Variants in GORAB observed in about 807,000 individuals in gnomAD.
GORAB encodes golgin, RAB6 interacting.
In GORAB, 17 loss-of-function variants were observed where a neutral mutation model predicts 29.9. The ratio of observed to expected loss-of-function variants is 0.57; its 90% CI spans 0.39 to 0.85. The LOEUF is 0.85. GORAB is among the 40% of genes least tolerant of loss of function. The pLI is 0.00. For synonymous variants in GORAB, 183 were observed against 157.2 expected, an observed-to-expected ratio of 1.16 and a Z score of -1.23; for missense variants, 442 against 437.8, an observed-to-expected ratio of 1.01 and a Z score of -0.09.
chr1:170,545,829 T>C, intron 4 of GORAB: 2 of 721,118 alleles, frequency 2.8e-6, no homozygotes, highest in Non-Finnish European at 3.4e-6. Context: ...TAATTGTTGT[T>C]GGACCATATG....
Position 170,539,408 on chromosome 1 carries a change from G to A in GORAB, c.260G>A (p.Ser87Asn). ...CCTTTTTCTTCCCCTACTCTTCCGA[G>A]TCATTTCACTCTCACCTCCCCCGTT... ...KPPFSSPTLP[S>N]HFTLTSPVGD... Residue 87 changes from serine (S) to asparagine (N), a missense_variant, in exon 2 of 5, where the codon AGT becomes AAT. Coordinates refer to ENST00000367763, the MANE Select transcript of GORAB (RefSeq NM_152281.3). The A allele has an allele frequency of 6.2e-7, 1 of 1,614,082 alleles. No homozygotes were observed. Among genetic ancestry groups the A allele is most frequent in the Non-Finnish European group, 8.5e-7 (1 of 1,180,008 alleles).
At chr1:170,533,888 C>G (rs1426070908) in intron 1 of GORAB, among the ~76,000 whole-genome samples, 1 of 152,112 alleles carries the variant, frequency 6.6e-6, no homozygotes, top group Non-Finnish European at 1.5e-5. Flanking sequence ...GAACTTCCAG[C>G]TCTTCCTCTA....
intron 4 of GORAB, among the ~76,000 whole-genome samples, chr1:170,550,215 C>T (rs1325466772): frequency 6.6e-6 from 1 of 152,164 alleles, no homozygotes; most frequent in Admixed American, 6.5e-5. Flanking sequence ...ACATTTAATC[C>T]ATAGGCTAAA....
intron 1 of GORAB, among the ~76,000 whole-genome samples, chr1:170,534,485 A>G (rs1648925646): frequency 6.6e-6 from 1 of 152,190 alleles, no homozygotes; most frequent in Non-Finnish European, 1.5e-5. Context: ...AATTATCCTC[A>G]TATACCAAGG....
Position 170,532,418 on chromosome 1 carries a change from T to C in GORAB, c.61+134T>C, listed in dbSNP as rs560794893. 72 of 952,828 alleles carry C rather than the reference T, an allele frequency of 7.6e-5. 1 individual carries two copies. The South Asian group carries it at 9.1e-4, about 12-fold the overall frequency. The allele number at this position is 952,828 out of a possible 1,614,324, so 59.0% of individuals were successfully genotyped here. A position where few individuals can be genotyped will look rare whatever the true frequency, so the allele number is the denominator to read the frequency against. On this transcript the variant is annotated intron_variant, in intron 1 of 4. Coordinates refer to ENST00000367763, the MANE Select transcript of GORAB (RefSeq NM_152281.3). ...CGGAAGGCGCTGTAAGTACGTGGAC[T>C]GGATTAGGGGGTTTCAGAGGAGGAC...
chr1:170,533,543 T>C (rs1175970570), intron 1 of GORAB: 8 of 454,806 alleles, frequency 1.8e-5, no homozygotes, highest in South Asian at 3.1e-5. Flanking sequence ...ATAGTAGATA[T>C]TGCAAGAACT....
intron 4 of GORAB, chr1:170,545,160 G>A (rs1649680116): frequency 9.6e-7 from 1 of 1,040,838 alleles, no homozygotes; most frequent in Admixed American, 5.0e-5. Context: ...TCAGCATCTA[G>A]CAAAGTAAAT....
chr1:170,532,388 G>A (rs1648742025), intron 1 of GORAB, 104 bp downstream of exon 1: 1 of 1,270,294 alleles, frequency 7.9e-7, no homozygotes, highest in African/African-American at 1.4e-5. Flanking sequence ...CTACGTTTGT[G>A]TTAGCGGAAG....
rs1245075971 is a variant in GORAB, at chr1:170,539,346, T to G, written c.198T>G (p.Leu66=). 1.9e-6 allele frequency: 3 copies of G among 1,614,180 alleles called. No individual in the cohort carries two copies. Among genetic ancestry groups the G allele is most frequent in the Non-Finnish European group, 2.5e-6 (3 of 1,180,024 alleles). The change falls in exon 2 of 5, where the codon CTT becomes CTG. Residue 66 remains leucine (L), a synonymous_variant. Coordinates refer to ENST00000367763, the MANE Select transcript of GORAB (RefSeq NM_152281.3). ...CCTCATTACTTCCAGAGCAGCTGCT[T>G]TCAGCACCAAAACAGAGAGTTAACG... ...GSTSLLPEQL[L]SAPKQRVNVQ... is the part of the protein sequence containing the mutation.
intron 2 of GORAB, among the ~76,000 whole-genome samples, chr1:170,540,284 T>C (rs1167550428): frequency 1.3e-5 from 2 of 152,206 alleles, no homozygotes; most frequent in Non-Finnish European, 2.9e-5. Context: ...ACTGTTCTTG[T>C]GGAAGATGCC....
chr1:170,540,928 C>T (rs745365002), intron 2 of GORAB, among the ~76,000 whole-genome samples: 3 of 152,200 alleles, frequency 2.0e-5, no homozygotes, highest in East Asian at 1.9e-4. Flanking sequence ...GGAGGACAGG[C>T]GTGGTGGCCC....
Position 170,542,144 on chromosome 1 carries a change from A to G in GORAB, c.420-347A>G, listed in dbSNP as rs1191504211. Among the ~76,000 whole-genome samples the G allele has an allele frequency of 2.0e-5, 3 of 152,340 alleles. No homozygotes were observed. In the South Asian group the frequency reaches 6.2e-4, roughly 32 times the overall value. On this transcript the variant is annotated intron_variant, in intron 2 of 4. Coordinates refer to ENST00000367763, the MANE Select transcript of GORAB (RefSeq NM_152281.3). ...TACAAACCAATTTTTATTAATCTCC[A>G]TTCTGCATATAATACATAATTAACT...
chr1:170,538,106 T>G (rs1649167789), intron 1 of GORAB, among the ~76,000 whole-genome samples: 1 of 152,212 alleles, frequency 6.6e-6, no homozygotes, highest in Non-Finnish European at 1.5e-5. Flanking sequence ...CATTTAATTC[T>G]TACACCAACT....
chr1:170,552,553 A>C lies in GORAB; in HGVS notation c.*91A>C, dbSNP rs772159303. ...CCTGACCTCCAATAAAAACCTCTTTAAAACAATGCTGATTTTTGAATTCAT... is the reference window on the plus strand; with the variant it reads ...CCTGACCTCCAATAAAAACCTCTTTCAAACAATGCTGATTTTTGAATTCAT... On this transcript the variant is annotated 3_prime_UTR_variant, in exon 5 of 5. Coordinates refer to ENST00000367763, the MANE Select transcript of GORAB (RefSeq NM_152281.3). 2 of 1,049,572 alleles carry C rather than the reference A, an allele frequency of 1.9e-6. No individual in the cohort carries two copies. Among genetic ancestry groups the C allele is most frequent in the Non-Finnish European group, 1.5e-6 (1 of 675,900 alleles). The allele number at this position is 1,049,572 out of a possible 1,614,324, so 65.0% of individuals were successfully genotyped here.
At position 170,543,427 on chromosome 1, in the gene GORAB, CAGG is replaced by C. The variant is rs145339397; in HGVS notation, c.521+838_521+840del. ...CTTGAAGCTAGAGTATGTGTAGGGGCAGGAGAAGAGGGAAGAAGGTGATGGGTA... is the reference window on the plus strand; with the variant it reads ...CTTGAAGCTAGAGTATGTGTAGGGGCAGAAGAGGGAAGAAGGTGATGGGTA... On this transcript the variant is annotated intron_variant, in intron 3 of 4. Transcript: ENST00000367763. 7.2e-3 allele frequency among the ~76,000 whole-genome samples: 1,091 copies of C among 152,162 alleles called. 60 individuals carry two copies. The East Asian group carries it at 0.14, about 20-fold the overall frequency.
At chr1:170,542,466 T>G (rs980593526) in intron 2 of GORAB, 25 bp from the exon 3 acceptor site, 6 of 1,484,252 alleles carry the variant, frequency 4.0e-6, no homozygotes, top group Non-Finnish European at 5.7e-6. Context: ...CATAAACTCA[T>G]TTTTATGCTT....
At chr1:170,543,963 T>G (rs1649600875) in intron 3 of GORAB, among the ~76,000 whole-genome samples, 1 of 152,186 alleles carries the variant, frequency 6.6e-6, no homozygotes, top group Admixed American at 6.5e-5. Flanking sequence ...TGGATTTATG[T>G]GGGGATTTTT....
chr1:170,545,740 G>A (rs1649717057), intron 4 of GORAB: 1 of 985,054 alleles, frequency 1.0e-6, no homozygotes, highest in African/African-American at 1.7e-5. Flanking sequence ...ATTTATTAAA[G>A]CGGAAATGCT....
At chr1:170,536,046 A>C (rs1006373095) in intron 1 of GORAB, among the ~76,000 whole-genome samples, 1 of 152,118 alleles carries the variant, frequency 6.6e-6, no homozygotes, top group Non-Finnish European at 1.5e-5. Context: ...TGGAAAACCC[A>C]TTAGGAATTT....
Sources: gnomAD v4.1 joint callset for allele counts (sites outside exome capture counted in the v4.1 genomes callset) on GRCh38, gnomAD v4.1.1 for gene constraint, MANE v1.5 for transcripts, NCBI Gene and HGNC (gene_info 2026-07-23, HGNC 2026-07-21) for gene names.